The following MAP3K5 variants were observed in gnomAD, a reference collection of about 807,000 sequenced individuals.
The protein encoded by MAP3K5 is mitogen-activated protein kinase kinase kinase 5.
MAP3K5 carries 56 observed loss-of-function variants against 158.7 expected under a neutral mutation model. The observed-to-expected ratio is 0.35, with a 90% CI of 0.28 to 0.44. MAP3K5 has a LOEUF of 0.44. Ranked by LOEUF, MAP3K5 falls within the 20% of genes least tolerant of loss-of-function variation. The pLI, the probability that MAP3K5 is intolerant of heterozygous loss-of-function variation, is 1.00. For synonymous variants in MAP3K5, 579 were observed against 601.7 expected, an observed-to-expected ratio of 0.96 and a Z score of 0.55; for missense variants, 1,294 against 1,674.8, an observed-to-expected ratio of 0.77 and a Z score of 3.97.
intron 3 of MAP3K5, 55 bp from the exon 4 acceptor site, chr6:136,698,737 G>T: frequency 8.2e-7 from 1 of 1,223,092 alleles, no homozygotes; most frequent in Non-Finnish European, 1.2e-6. Flanking sequence ...ACACGGCACA[G>T]ATGGAATCCC....
At chr6:136,614,319 A>G (rs766277482) in intron 15 of MAP3K5, 33 bp from the exon 16 acceptor site, 1 of 1,604,892 alleles carries the variant, frequency 6.2e-7, no homozygotes, top group Non-Finnish European at 8.5e-7. Flanking sequence ...TGAGTTAATT[A>G]TGTAGCCAGA....
rs750524326 is a variant in MAP3K5, at chr6:136,592,532, G to A, written c.2961C>T (p.Pro987=). Residue 987 remains proline, a synonymous_variant, in exon 22 of 30, where the codon CCC becomes CCT. Coordinates refer to ENST00000359015, the MANE Select transcript of MAP3K5 (RefSeq NM_005923.4). ...SSSSEYGSVS[P]DTELKVDPFS... ...AGGGGTCCACTTTCAACTCCGTGTC[G>A]GGTGAAACTGAGCCGTACTCACTGC... 8.9e-5 allele frequency: 144 copies of A among 1,613,850 alleles called. 1 individual carries two copies. The highest frequency in any genetic ancestry group is 1.7e-4 in the African/African-American group (13 of 74,978).
intron 10 of MAP3K5, among the ~76,000 whole-genome samples, chr6:136,653,523 G>A (rs370064158): frequency 2.0e-5 from 3 of 152,078 alleles, no homozygotes; most frequent in Admixed American, 6.6e-5. Context: ...GACCAAGATC[G>A]CCCCACAGGT....
Position 136,610,617 on chromosome 6 carries a change from T to C in MAP3K5, c.2521+665A>G, listed in dbSNP as rs376608131. Among the ~76,000 whole-genome samples the C allele has an allele frequency of 9.9e-3, 1,240 of 125,582 alleles. 174 individuals carry two copies. The South Asian group carries it at 0.29, about 29-fold the overall frequency. The allele number at this position is 125,582 out of a possible 152,430, so 82.4% of individuals were successfully genotyped here. A position where few individuals can be genotyped will look rare whatever the true frequency, so the allele number is the denominator to read the frequency against. On this transcript the variant is annotated intron_variant, in intron 18 of 29. Coordinates refer to ENST00000359015, the MANE Select transcript of MAP3K5 (RefSeq NM_005923.4). ...TTTAATAAAAAAAAAAAAAAAAAAA[T>C]CTTGCTAGAGTTATTGTAGGCCAAC...
At chr6:136,733,384 C>T (rs1233194490) in intron 1 of MAP3K5, among the ~76,000 whole-genome samples, 2 of 152,176 alleles carry the variant, frequency 1.3e-5, no homozygotes, top group African/African-American at 4.8e-5. Context: ...TCAAGTGAAT[C>T]CCTCATATCA....
chr6:136,613,838 G>C lies in MAP3K5; in HGVS notation c.2278+321C>G, dbSNP rs1025907210. Among the ~76,000 whole-genome samples, 1 of 152,134 alleles carries C rather than the reference G, an allele frequency of 6.6e-6. No homozygotes were observed. Among genetic ancestry groups the C allele is most frequent in the Non-Finnish European group, 1.5e-5 (1 of 68,014 alleles). ...GTAATGACTTTGGGTAGAAGATGTTGCCACCCTGTTAGTCTTCAGCTTATA... is the reference window on the plus strand; with the variant it reads ...GTAATGACTTTGGGTAGAAGATGTTCCCACCCTGTTAGTCTTCAGCTTATA... On this transcript the variant is annotated intron_variant, in intron 16 of 29. Transcript: ENST00000359015. The surrounding 1 kb of genome is among the most constrained non-coding windows in gnomAD (Gnocchi z 4.0).
chr6:136,637,426 G>T lies in MAP3K5; in HGVS notation c.1935-20C>A. 1 of 1,366,440 alleles carries T rather than the reference G, an allele frequency of 7.3e-7. No individual in the cohort carries two copies. The highest frequency in any genetic ancestry group is 1.0e-6 in the Non-Finnish European group (1 of 954,074). 84.6% of individuals were successfully genotyped at this position (1,366,440 alleles called of 1,614,324 possible). A position where few individuals can be genotyped will look rare whatever the true frequency, so the allele number is the denominator to read the frequency against. On this transcript the variant is annotated intron_variant, in intron 13 of 29. Coordinates refer to ENST00000359015, the MANE Select transcript of MAP3K5 (RefSeq NM_005923.4). The stretch of plus-strand genomic sequence containing the variant: ...AAAAACCTACAATACAAGTTAGCAC[G>T]TGAGCATTCATAACACAAACAATAG...
intron 10 of MAP3K5, among the ~76,000 whole-genome samples, chr6:136,653,071 AG>A (rs1275937205): frequency 6.6e-6 from 1 of 152,236 alleles, no homozygotes; most frequent in African/African-American, 2.4e-5. Context: ...AGGCCTATAA[AG>A]GATAGATATT....
At position 136,734,421 on chromosome 6, in the gene MAP3K5, G is replaced by GGA. The variant is rs1554307217; in HGVS notation, c.449-13833_449-13832insTC. ...GCCAACAAAGCGAGACTCTGTCTCG[G>GGA]AAAAAAAAAAAAAAAAAAAAAAAGG... On this transcript the variant is annotated intron_variant, in intron 1 of 29. Transcript: ENST00000359015. 2.5e-4 allele frequency among the ~76,000 whole-genome samples: 14 copies of GGA among 56,742 alleles called. 1 individual carries two copies. The highest frequency in any genetic ancestry group is 3.2e-4 in the Non-Finnish European group (10 of 31,228). The allele number at this position is 56,742 out of a possible 152,430, so 37.2% of individuals were successfully genotyped here. A position where few individuals can be genotyped will look rare whatever the true frequency, so the allele number is the denominator to read the frequency against.
At chr6:136,680,711 A>G (rs1296542586) in intron 7 of MAP3K5, among the ~76,000 whole-genome samples, 5 of 152,216 alleles carry the variant, frequency 3.3e-5, no homozygotes, top group Non-Finnish European at 7.3e-5. Flanking sequence ...ATCTTTGCCA[A>G]TTGATTACAA....
chr6:136,581,606 G>C (rs757022303), intron 24 of MAP3K5, among the ~76,000 whole-genome samples: 73 of 152,294 alleles, frequency 4.8e-4, no homozygotes, highest in Non-Finnish European at 7.9e-4. Context: ...TCAAGAGCTG[G>C]AGCTCCAGTT....
At chr6:136,663,365 A>C (rs957908764) in intron 8 of MAP3K5, among the ~76,000 whole-genome samples, 1 of 152,226 alleles carries the variant, frequency 6.6e-6, no homozygotes, top group Non-Finnish European at 1.5e-5. Context: ...ATTTCAAATT[A>C]AATTACAGAC....
intron 25 of MAP3K5, among the ~76,000 whole-genome samples, chr6:136,569,152 T>G (rs760790306): frequency 6.6e-6 from 1 of 152,182 alleles, no homozygotes; most frequent in Non-Finnish European, 1.5e-5. Context: ...GACTCTAGTA[T>G]AGCATCCCAT....
At chr6:136,599,176 G>C (rs528499307) in intron 21 of MAP3K5, among the ~76,000 whole-genome samples, 27 of 148,732 alleles carry the variant, frequency 1.8e-4, no homozygotes, top group South Asian at 1.1e-3. Context: ...AAAGGGGGGG[G>C]GGGCGTGGAT....
At chr6:136,602,067 T>A in intron 19 of MAP3K5, 88 bp from the exon 20 acceptor site, 1 of 971,916 alleles carries the variant, frequency 1.0e-6, no homozygotes, top group Non-Finnish European at 1.6e-6. Flanking sequence ...GACCCCCCAA[T>A]GCAACAAGAT....
At chr6:136,761,082 G>C (rs962623517) in intron 1 of MAP3K5, among the ~76,000 whole-genome samples, 3 of 152,016 alleles carry the variant, frequency 2.0e-5, no homozygotes, top group African/African-American at 7.3e-5. Flanking sequence ...TGAGGAAGTG[G>C]GCCCTCACAA....
At chr6:136,770,905 TA>T (rs1784172255) in intron 1 of MAP3K5, among the ~76,000 whole-genome samples, 1 of 151,942 alleles carries the variant, frequency 6.6e-6, no homozygotes, top group Non-Finnish European at 1.5e-5. Context: ...TGAGGAAAAA[TA>T]TAATAAATTT....
chr6:136,661,356 C>T (rs199764292), intron 8 of MAP3K5, among the ~76,000 whole-genome samples: 7 of 152,210 alleles, frequency 4.6e-5, no homozygotes, highest in African/African-American at 1.7e-4. Context: ...ATATTACACA[C>T]GCATAGGACA....
chr6:136,641,672 C>G (rs1191800353), intron 12 of MAP3K5, among the ~76,000 whole-genome samples: 1 of 149,714 alleles, frequency 6.7e-6, no homozygotes, highest in Non-Finnish European at 1.5e-5. Context: ...TTAATGGACT[C>G]CTTATCATCT....
Sources: gnomAD v4.1 joint callset for allele counts (sites outside exome capture counted in the v4.1 genomes callset) on GRCh38, gnomAD v4.1.1 for gene constraint, Gnocchi (gnomAD v3.1) non-coding constraint, MANE v1.5 for transcripts, NCBI Gene and HGNC (gene_info 2026-07-23, HGNC 2026-07-21) for gene names.